The following LYPLA1 variants were observed in gnomAD, a reference collection of about 807,000 sequenced individuals.
The protein encoded by LYPLA1 is lysophospholipase 1, also known as acyl-protein thioesterase 1.
In LYPLA1, 17 loss-of-function variants were observed where a neutral mutation model predicts 34.0. That is an observed-to-expected ratio of 0.50 (90% CI 0.34 to 0.75). The LOEUF (loss-of-function observed/expected upper bound fraction) is 0.75. Ranked by LOEUF, LYPLA1 falls within the 30% of genes least tolerant of loss-of-function variation. LYPLA1 has a pLI of 0.01. For missense variants in LYPLA1, 203 were observed against 288.8 expected (o/e 0.70, Z 2.15); for synonymous variants, 98 against 100.8 (o/e 0.97, Z 0.17).
intron 5 of LYPLA1, among the ~76,000 whole-genome samples, chr8:54,058,147 G>A (rs112067880): frequency 0.022 from 3,421 of 152,170 alleles, 58 homozygotes; most frequent in African/African-American, 0.031. Flanking sequence ...AAAATTGTAC[G>A]TAGTTAAGTG....
At chr8:54,098,733 T>C (rs1809879495) in intron 2 of LYPLA1, among the ~76,000 whole-genome samples, 1 of 152,204 alleles carries the variant, frequency 6.6e-6, no homozygotes, top group South Asian at 2.1e-4. Flanking sequence ...TTTAAACTTA[T>C]AAAGTATTTC....
intron 2 of LYPLA1, among the ~76,000 whole-genome samples, chr8:54,092,784 C>A (rs550654677): frequency 6.6e-4 from 100 of 152,262 alleles, no homozygotes; most frequent in Non-Finnish European, 1.1e-3. Flanking sequence ...GAGTTTGAGA[C>A]CAGCCTAGGC....
intron 3 of LYPLA1, among the ~76,000 whole-genome samples, chr8:54,064,277 C>CA (rs1806883077): frequency 1.3e-5 from 2 of 151,636 alleles, no homozygotes. Context: ...TTAGCCCAGG[C>CA]ATGGTGGCAG....
chr8:54,086,100 T>C (rs1485284947), intron 2 of LYPLA1, among the ~76,000 whole-genome samples: 1 of 152,178 alleles, frequency 6.6e-6, no homozygotes, highest in Non-Finnish European at 1.5e-5. Flanking sequence ...TCTTCCACCT[T>C]GGGATGCTGT....
chr8:54,065,930 G>A (rs538776489), intron 2 of LYPLA1, 117 bp from the exon 3 acceptor site: 1 of 684,374 alleles, frequency 1.5e-6, no homozygotes, highest in Admixed American at 2.3e-5. Flanking sequence ...TAAAAATATG[G>A]TTTTTTTTTG....
At chr8:54,100,594 G>A in intron 2 of LYPLA1, 1 of 338,870 alleles carries the variant, frequency 3.0e-6, no homozygotes. Context: ...TAACTGCTCT[G>A]GAAAGCTCTC....
At chr8:54,054,075 G>T (rs1199573501) in intron 6 of LYPLA1, among the ~76,000 whole-genome samples, 6 of 152,232 alleles carry the variant, frequency 3.9e-5, no homozygotes, top group African/African-American at 1.4e-4. Flanking sequence ...CTGGCTCCTG[G>T]GTTCAAGTGA....
At chr8:54,044,293 G>A (rs1199704516), downstream of LYPLA1, among the ~76,000 whole-genome samples, 6 of 151,996 alleles carry the variant, frequency 3.9e-5, no homozygotes, top group East Asian at 1.2e-3. Flanking sequence ...TTTTTGACAA[G>A]GTTAAATTTA....
intron 2 of LYPLA1, among the ~76,000 whole-genome samples, chr8:54,082,814 C>T (rs907544652): frequency 3.3e-5 from 5 of 152,142 alleles, no homozygotes. Flanking sequence ...GCAAGCCCCG[C>T]CTCCCAGGTT....
chr8:54,051,296 T>C, intron 7 of LYPLA1, 108 bp from the exon 8 acceptor site: 1 of 985,280 alleles, frequency 1.0e-6, no homozygotes, highest in Admixed American at 3.0e-5. Context: ...ATATTAGAAG[T>C]TACATTTGGC....
chr8:54,082,218 G>A (rs1808375162), intron 2 of LYPLA1, among the ~76,000 whole-genome samples: 1 of 152,166 alleles, frequency 6.6e-6, no homozygotes, highest in African/African-American at 2.4e-5. Flanking sequence ...GAAAAGATTA[G>A]TTTCAGCTAT....
intron 6 of LYPLA1, chr8:54,053,818 C>A: frequency 2.3e-6 from 1 of 442,440 alleles, no homozygotes. Context: ...CAATTTCTAG[C>A]TACTTCCTGA....
chr8:54,093,329 G>T (rs1279235279), intron 2 of LYPLA1, among the ~76,000 whole-genome samples: 1 of 152,186 alleles, frequency 6.6e-6, no homozygotes, highest in Non-Finnish European at 1.5e-5. Flanking sequence ...TAAGAGTTGA[G>T]ATCACACTTG....
chr8:54,055,260 CA>C, intron 5 of LYPLA1, 127 bp from the exon 6 acceptor site: 1 of 583,738 alleles, frequency 1.7e-6, no homozygotes, highest in Non-Finnish European at 3.0e-6. Context: ...GTGAAAAATT[CA>C]AAGCACTTCA....
At chr8:54,064,574 C>G (rs1339229546) in intron 3 of LYPLA1, among the ~76,000 whole-genome samples, 4 of 152,220 alleles carry the variant, frequency 2.6e-5, no homozygotes, top group African/African-American at 4.8e-5. Context: ...ATCCAATCTT[C>G]TCAGCTGTTA....
In LYPLA1 at chr8:54,046,489, C is replaced by T. The variant is rs1289834603; in HGVS notation, c.*1576G>A. ...ATTTCTTGCCATAAATAATATCTTG[C>T]TGATTTGTAGAAGTGAAATAACAGT... is the stretch of plus-strand genomic sequence containing the variant. On this transcript the variant is annotated 3_prime_UTR_variant, in exon 9 of 9. Coordinates refer to ENST00000316963, the MANE Select transcript of LYPLA1 (RefSeq NM_006330.4). 3 of 152,482 alleles carry T rather than the reference C, an allele frequency of 2.0e-5. No homozygotes were observed. The highest frequency in any genetic ancestry group is 7.2e-5 in the African/African-American group (3 of 41,414). 9.4% of individuals were successfully genotyped at this position (152,482 alleles called of 1,614,324 possible).
chr8:54,075,587 A>G (rs1807834932), intron 2 of LYPLA1, among the ~76,000 whole-genome samples: 1 of 152,232 alleles, frequency 6.6e-6, no homozygotes, highest in African/African-American at 2.4e-5. Context: ...GTCACAATGA[A>G]TAATTTAAAG....
At chr8:54,075,882 C>T (rs1035613590) in intron 2 of LYPLA1, among the ~76,000 whole-genome samples, 1 of 152,176 alleles carries the variant, frequency 6.6e-6, no homozygotes, top group Non-Finnish European at 1.5e-5. Flanking sequence ...CACTGCAGAA[C>T]AGGCAGAGGT....
chr8:54,053,554 GT>G, intron 6 of LYPLA1: 1 of 455,568 alleles, frequency 2.2e-6, no homozygotes, highest in Non-Finnish European at 4.4e-6. Context: ...ATGCCCATGG[GT>G]TACTGCAACA....
Sources: allele counts gnomAD v4.1 joint callset (sites outside exome capture counted in the v4.1 genomes callset), GRCh38; gene constraint gnomAD v4.1.1; transcripts MANE v1.5; gene names NCBI Gene and HGNC (gene_info 2026-07-23, HGNC 2026-07-21).